The following DNAAF11 variants were observed in gnomAD, a reference collection of about 807,000 sequenced individuals.
DNAAF11 encodes the protein dynein axonemal assembly factor 11.
DNAAF11 carries 45 observed loss-of-function variants against 60.8 expected under a neutral mutation model. That is an observed-to-expected ratio of 0.74 (90% CI 0.58 to 0.95). The LOEUF is 0.95. Among genes scored for constraint, DNAAF11 ranks in the 40% least tolerant of loss-of-function variants. The pLI, the probability that DNAAF11 is intolerant of heterozygous loss-of-function variation, is 0.00. For synonymous variants in DNAAF11, 191 were observed against 183.5 expected (o/e 1.04, Z -0.33); for missense variants, 546 against 546.2 (o/e 1.00, Z 0.00).
intron 7 of DNAAF11, among the ~76,000 whole-genome samples, chr8:132,617,765 A>T (rs552531888): frequency 4.0e-4 from 60 of 151,856 alleles, no homozygotes; most frequent in Non-Finnish European, 5.9e-4. Context: ...CTTCAAGGAG[A>T]ACTACAAACC....
At chr8:132,611,564 C>A (rs1420757166) in intron 8 of DNAAF11, among the ~76,000 whole-genome samples, 1 of 152,112 alleles carries the variant, frequency 6.6e-6, no homozygotes, top group Non-Finnish European at 1.5e-5. Flanking sequence ...CATTTTTAGA[C>A]CCACAAGTAT....
At chr8:132,619,729 G>A (rs1819565917) in intron 7 of DNAAF11, among the ~76,000 whole-genome samples, 1 of 152,208 alleles carries the variant, frequency 6.6e-6, no homozygotes, top group African/African-American at 2.4e-5. Context: ...TTTTGTTTAA[G>A]ACAAAGATTT....
chr8:132,695,205 C>T, the DNAAF11 span, among the ~76,000 whole-genome samples: 3 of 152,116 alleles, frequency 2.0e-5, no homozygotes, highest in Non-Finnish European at 2.9e-5. Context: ...GAACTCAAAT[C>T]TACCAAGGAA....
chr8:132,675,554 C>T (rs1440534001), upstream of DNAAF11: 24 of 1,512,216 alleles, frequency 1.6e-5, no homozygotes, highest in Non-Finnish European at 1.9e-5. Flanking sequence ...ACGCTTTTCA[C>T]CCTTCACCCC....
intron 10 of DNAAF11, among the ~76,000 whole-genome samples, chr8:132,604,127 TA>T (rs1817912522): frequency 6.6e-6 from 1 of 152,084 alleles, no homozygotes; most frequent in Non-Finnish European, 1.5e-5. Flanking sequence ...GAATGAGAAA[TA>T]AAAGAGCAGA....
intron 6 of DNAAF11, among the ~76,000 whole-genome samples, chr8:132,625,015 T>A (rs1237904294): frequency 3.3e-5 from 5 of 152,152 alleles, no homozygotes; most frequent in African/African-American, 1.2e-4. Flanking sequence ...TTAGGCATAT[T>A]AAAAGTGGTA....
chr8:132,662,812 C>T (rs376554742), intron 1 of DNAAF11, among the ~76,000 whole-genome samples: 9 of 152,190 alleles, frequency 5.9e-5, no homozygotes, highest in Non-Finnish European at 1.0e-4. Context: ...CCTGAAGGTG[C>T]AGACTCCTCT....
the DNAAF11 span, among the ~76,000 whole-genome samples, chr8:132,693,268 A>G: frequency 1.3e-5 from 2 of 152,208 alleles, no homozygotes; most frequent in African/African-American, 4.8e-5. Flanking sequence ...AAGACAACGG[A>G]AAAATGGAGG....
In DNAAF11 at chr8:132,572,247, C is replaced by T. The variant is rs1814264765; in HGVS notation, c.*59G>A. The T allele has an allele frequency of 7.3e-6, 11 of 1,504,364 alleles. No homozygotes were observed. The highest frequency in any genetic ancestry group is 2.8e-5 in the African/African-American group (2 of 71,656). The allele number at this position is 1,504,364 out of a possible 1,614,324, so 93.2% of individuals were successfully genotyped here. A position where few individuals can be genotyped will look rare whatever the true frequency, so the allele number is the denominator to read the frequency against. On this transcript the variant is annotated 3_prime_UTR_variant, in exon 12 of 12. Transcript: ENST00000620350. The stretch of plus-strand genomic sequence containing the variant: ...CCCAGGAATAATATGCATATGGTCT[C>T]TACACCAACCAAAACTGGACCTGGT...
intron 3 of DNAAF11, among the ~76,000 whole-genome samples, chr8:132,656,480 T>C (rs1171577346): frequency 6.6e-6 from 1 of 152,188 alleles, no homozygotes; most frequent in Non-Finnish European, 1.5e-5. Flanking sequence ...AACTTTTTTC[T>C]TTTTGGGGAG....
chr8:132,698,942 A>ATATTTTGTGTGTG, the DNAAF11 span, among the ~76,000 whole-genome samples: 3 of 75,504 alleles, frequency 4.0e-5, no homozygotes, highest in Non-Finnish European at 7.6e-5. Flanking sequence ...GTATACATAT[A>ATATTTTGTGTGTG]TATATATATA....
intron 9 of DNAAF11, 107 bp downstream of exon 9, chr8:132,611,187 C>T: frequency 2.7e-6 from 2 of 754,050 alleles, no homozygotes; most frequent in Admixed American, 5.0e-5. Flanking sequence ...AGCCACTGCG[C>T]CCGGGCCCTT....
At chr8:132,699,816 A>G in the DNAAF11 span, among the ~76,000 whole-genome samples, 3 of 152,234 alleles carry the variant, frequency 2.0e-5, no homozygotes, top group South Asian at 2.1e-4. Context: ...ATAAACATAC[A>G]AACATTATGT....
chr8:132,571,357 C>T lies in DNAAF11; in HGVS notation c.*949G>A, dbSNP rs1213308768. Among the ~76,000 whole-genome samples, 2 of 151,986 alleles carry T rather than the reference C, an allele frequency of 1.3e-5. No homozygotes were observed. Among genetic ancestry groups the T allele is most frequent in the Non-Finnish European group, 2.9e-5 (2 of 68,012 alleles). On this transcript the variant is annotated 3_prime_UTR_variant, in exon 12 of 12. Coordinates refer to ENST00000620350, the MANE Select transcript of DNAAF11 (RefSeq NM_012472.6). ...TTTGGGGAAACTGACTTAAATGTTG[C>T]TATATCATGATCAGAGTAACAGTAA...
At chr8:132,650,880 T>A (rs1217829643) in intron 3 of DNAAF11, among the ~76,000 whole-genome samples, 1 of 152,248 alleles carries the variant, frequency 6.6e-6, no homozygotes, top group African/African-American at 2.4e-5. Context: ...GATGTTGCTA[T>A]AATTTTGTAG....
At chr8:132,662,524 C>A (rs538554054) in intron 1 of DNAAF11, among the ~76,000 whole-genome samples, 1 of 152,272 alleles carries the variant, frequency 6.6e-6, no homozygotes, top group East Asian at 1.9e-4. Flanking sequence ...TGTATGTCTA[C>A]CCCAGGAGAT....
At chr8:132,615,015 A>G (rs751135026) in intron 8 of DNAAF11, 23 bp downstream of exon 8, 3 of 1,488,118 alleles carry the variant, frequency 2.0e-6, no homozygotes, top group Non-Finnish European at 2.8e-6. Context: ...TGTCATAAAT[A>G]AATACGTAGA....
intron 10 of DNAAF11, 63 bp from the exon 11 acceptor site, chr8:132,583,842 TAC>T: frequency 9.7e-7 from 1 of 1,034,070 alleles, no homozygotes; most frequent in African/African-American, 1.6e-5. Context: ...TTAAAAAATA[TAC>T]ATATATGTAT....
chr8:132,577,367 C>T (rs1814857302), intron 11 of DNAAF11, among the ~76,000 whole-genome samples: 2 of 152,182 alleles, frequency 1.3e-5, no homozygotes, highest in African/African-American at 2.4e-5. Context: ...ATAAAACATC[C>T]TACATTTTTA....
Sources: gnomAD v4.1 joint callset for allele counts (sites outside exome capture counted in the v4.1 genomes callset) on GRCh38, gnomAD v4.1.1 for gene constraint, MANE v1.5 for transcripts, NCBI Gene and HGNC (gene_info 2026-07-23, HGNC 2026-07-21) for gene names.